Variants in SEC24D observed in about 807,000 individuals in gnomAD.
SEC24D encodes the protein SEC24 homolog D, COPII component.
Under a neutral mutation model 116.9 loss-of-function variants are expected in SEC24D, and 69 were observed. That is an observed-to-expected ratio of 0.59 (90% CI 0.49 to 0.72). The LOEUF (loss-of-function observed/expected upper bound fraction) is 0.72, where lower values mean the gene tolerates loss of function less well. Ranked by LOEUF, SEC24D falls within the 30% of genes least tolerant of loss-of-function variation. The pLI is 0.00. For synonymous variants in SEC24D, 405 were observed against 442.8 expected (o/e 0.91, Z 1.07); for missense variants, 1,131 against 1,264.1 (o/e 0.89, Z 1.60).
intron 3 of SEC24D, among the ~76,000 whole-genome samples, chr4:118,822,080 T>C (rs1217147656): frequency 1.3e-5 from 2 of 152,198 alleles, no homozygotes; most frequent in East Asian, 1.9e-4. Flanking sequence ...AGACAAGCTA[T>C]AAACAGTGGA....
intron 19 of SEC24D, chr4:118,735,780 A>G (rs1725927305): frequency 1.3e-5 from 2 of 151,558 alleles, no homozygotes; most frequent in African/African-American, 4.9e-5. Flanking sequence ...TGCATCCTCA[A>G]GCTCCTGGGT....
At chr4:118,733,482 T>C (rs1394201353) in intron 19 of SEC24D, among the ~76,000 whole-genome samples, 1 of 152,218 alleles carries the variant, frequency 6.6e-6, no homozygotes, top group Admixed American at 6.5e-5. Context: ...ATGCTTTTCA[T>C]GCATCTTAAA....
intron 8 of SEC24D, among the ~76,000 whole-genome samples, chr4:118,783,656 G>C (rs1453644975): frequency 6.6e-6 from 1 of 152,108 alleles, no homozygotes; most frequent in East Asian, 1.9e-4. Context: ...TCCAGATTAT[G>C]GTATATGAGA....
chr4:118,740,304 G>A (rs1377478086), intron 17 of SEC24D, among the ~76,000 whole-genome samples: 2 of 152,152 alleles, frequency 1.3e-5, no homozygotes, highest in Non-Finnish European at 2.9e-5. Context: ...TTATTCTGTA[G>A]TGTTTGTTAT....
intron 8 of SEC24D, among the ~76,000 whole-genome samples, chr4:118,773,678 GCAGT>G (rs1728010802): frequency 6.6e-6 from 1 of 152,240 alleles, no homozygotes; most frequent in African/African-American, 2.4e-5. Context: ...TGGAAGATGA[GCAGT>G]CAGTCAGATT....
chr4:118,765,192 G>T (rs557871123), intron 9 of SEC24D, among the ~76,000 whole-genome samples: 51 of 152,114 alleles, frequency 3.4e-4, no homozygotes, highest in Non-Finnish European at 6.8e-4. Context: ...TTTTTAAGTT[G>T]TCACAACCCA....
chr4:118,806,026 C>G (rs1335396958), intron 6 of SEC24D, 72 bp from the exon 7 acceptor site: 2 of 922,796 alleles, frequency 2.2e-6, no homozygotes, highest in Non-Finnish European at 3.4e-6. Context: ...TAGAGAGTAC[C>G]CTTGCTCTCT....
chr4:118,734,945 C>T (rs1475282318), intron 19 of SEC24D, among the ~76,000 whole-genome samples: 1 of 152,182 alleles, frequency 6.6e-6, no homozygotes, highest in East Asian at 1.9e-4. Context: ...GGTCTAGTTA[C>T]TAGTTAGCCA....
At chr4:118,804,269 A>T (rs1432557229) in intron 7 of SEC24D, among the ~76,000 whole-genome samples, 1 of 152,212 alleles carries the variant, frequency 6.6e-6, no homozygotes, top group Non-Finnish European at 1.5e-5. Context: ...TTATTGGTCA[A>T]CTAGTATGTT....
intron 17 of SEC24D, among the ~76,000 whole-genome samples, chr4:118,740,071 G>A (rs1254218901): frequency 6.6e-6 from 1 of 152,112 alleles, no homozygotes; most frequent in Non-Finnish European, 1.5e-5. Flanking sequence ...TCATTAGAGT[G>A]CACCCTAATT....
rs1728563476 is a variant in SEC24D at position 118,784,311 on chromosome 4, CTTG to C, written c.1041+13369_1041+13371del. On this transcript the variant is annotated intron_variant, in intron 8 of 22. Coordinates refer to ENST00000280551, the MANE Select transcript of SEC24D (RefSeq NM_014822.4). ...TAAACTGAAATAAGAGGAAAGATGA[CTTG>C]TTATCAAAATAAAAGTTGATAAATA... Among the ~76,000 whole-genome samples, 6 of 152,214 alleles carry C rather than the reference CTTG, an allele frequency of 3.9e-5. No individual in the cohort carries two copies. The South Asian group carries it at 1.0e-3, about 26-fold the overall frequency.
intron 19 of SEC24D, among the ~76,000 whole-genome samples, chr4:118,734,798 G>A (rs376023627): frequency 6.6e-6 from 1 of 152,250 alleles, no homozygotes. Context: ...CATAAGAGTA[G>A]AACACTCTCT....
chr4:118,768,393 A>AATTTT, intron 8 of SEC24D, 82 bp from the exon 9 acceptor site: 2 of 711,028 alleles, frequency 2.8e-6, no homozygotes, highest in Non-Finnish European at 4.0e-6. Flanking sequence ...TTTTAATGGC[A>AATTTT]CTTTTTTTTT....
chr4:118,737,306 T>C (rs1007065202), intron 19 of SEC24D, among the ~76,000 whole-genome samples: 2 of 152,204 alleles, frequency 1.3e-5, no homozygotes, highest in African/African-American at 2.4e-5. Context: ...GAGTTGCTTA[T>C]ATGATTATCA....
At chr4:118,757,011 G>A (rs1727130332) in intron 11 of SEC24D, among the ~76,000 whole-genome samples, 1 of 152,100 alleles carries the variant, frequency 6.6e-6, no homozygotes, top group Admixed American at 6.5e-5. Flanking sequence ...GTTTTGGGCT[G>A]TGTATGTGTG....
At position 118,728,639 on chromosome 4, in the gene SEC24D, A is replaced by G. The variant is rs773055266; in HGVS notation, c.2880T>C (p.Pro960=). 2.6e-5 allele frequency: 42 copies of G among 1,603,680 alleles called. No individual in the cohort carries two copies. In the African/African-American group the frequency reaches 4.2e-4, roughly 16 times the overall value. ...GTTGAGAGTATGGGTTTCCCACTTCAGGCAGCAATGTCTTAGATTTAAGAA... is the reference window on the plus strand; with the variant it reads ...GTTGAGAGTATGGGTTTCCCACTTCGGGCAGCAATGTCTTAGATTTAAGAA... ...AHINTDMTLL[P]EVGNPYSQQL... Residue 960 remains proline, a synonymous_variant, in exon 22 of 23, where the codon CCT becomes CCC. Transcript: ENST00000280551.
intron 3 of SEC24D, among the ~76,000 whole-genome samples, chr4:118,819,000 A>C (rs1182199458): frequency 6.6e-6 from 1 of 152,240 alleles, no homozygotes; most frequent in Admixed American, 6.5e-5. Flanking sequence ...AAGATAGAAA[A>C]TACAAACATT....
intron 13 of SEC24D, among the ~76,000 whole-genome samples, chr4:118,748,838 AGACTACCACCTTCCATTCTATGG>A (rs1726675032): frequency 6.6e-6 from 1 of 152,078 alleles, no homozygotes; most frequent in Non-Finnish European, 1.5e-5. Flanking sequence ...ACCCCCATTG[AGACTACCACCTTCCATTCTATGG>A]TGCTCCATAA....
intron 8 of SEC24D, among the ~76,000 whole-genome samples, chr4:118,775,416 G>C (rs769460177): frequency 6.4e-4 from 97 of 151,988 alleles, no homozygotes; most frequent in South Asian, 1.5e-3. Flanking sequence ...GAAGATATGG[G>C]CACTTATGAG....
Sources: allele counts gnomAD v4.1 joint callset (sites outside exome capture counted in the v4.1 genomes callset), GRCh38; gene constraint gnomAD v4.1.1; transcripts MANE v1.5; gene names NCBI Gene and HGNC (gene_info 2026-07-23, HGNC 2026-07-21).